The following BANF2 variants were observed in gnomAD, a reference collection of about 807,000 sequenced individuals.
BANF2 encodes the protein barrier-to-autointegration factor-like protein.
A neutral mutation model predicts 8.0 loss-of-function variants in BANF2; 4 were observed. The observed-to-expected ratio is 0.50, with a 90% confidence interval of 0.25 to 1.14. The LOEUF (loss-of-function observed/expected upper bound fraction) is 1.14. Ranked by LOEUF, BANF2 falls within the 50% of genes most tolerant of loss-of-function variation. BANF2 has a pLI of 0.16. For missense variants in BANF2, 96 were observed against 107.5 expected (o/e 0.89, Z 0.47); for synonymous variants, 50 against 40.6 (o/e 1.23, Z -0.88).
chr20:17,716,098 C>T (rs1310287771), intron 1 of BANF2, among the ~76,000 whole-genome samples: 1 of 152,126 alleles, frequency 6.6e-6, no homozygotes, highest in Non-Finnish European at 1.5e-5. Flanking sequence ...ACTTGCCTGC[C>T]CCAGGATACT....
chr20:17,726,054 C>T (rs2037805660), intron 3 of BANF2, among the ~76,000 whole-genome samples: 1 of 152,188 alleles, frequency 6.6e-6, no homozygotes. Context: ...AGTTTAATGT[C>T]CAGTAGATGG....
intron 1 of BANF2, among the ~76,000 whole-genome samples, chr20:17,722,051 C>A (rs1304526342): frequency 6.6e-6 from 1 of 152,186 alleles, no homozygotes; most frequent in African/African-American, 2.4e-5. Context: ...CCAGTGTTCC[C>A]TGGGGAGGGG....
At chr20:17,700,690 G>A (rs376233976) in intron 1 of BANF2, among the ~76,000 whole-genome samples, 4 of 152,290 alleles carry the variant, frequency 2.6e-5, no homozygotes, top group East Asian at 1.9e-4. Context: ...CTAAGGTAGC[G>A]GGGACAGGGA....
intron 3 of BANF2, 24 bp from the exon 4 acceptor site, chr20:17,735,641 C>T (rs369327159): frequency 9.8e-5 from 158 of 1,609,772 alleles, no homozygotes; most frequent in Non-Finnish European, 1.3e-4. Flanking sequence ...TCCTGCTTTC[C>T]TCCCTGTCTC....
chr20:17,724,625 A>G (rs541298506), intron 2 of BANF2, among the ~76,000 whole-genome samples: 132 of 152,252 alleles, frequency 8.7e-4, no homozygotes, highest in Non-Finnish European at 1.6e-3. Flanking sequence ...CACTGAAATA[A>G]AAGTATGACT....
chr20:17,718,157 G>A (rs971991675), intron 1 of BANF2, among the ~76,000 whole-genome samples: 1 of 152,118 alleles, frequency 6.6e-6, no homozygotes. Flanking sequence ...AAAAACAATG[G>A]TATTCTAATG....
chr20:17,734,995 G>C (rs1349121763), intron 3 of BANF2, among the ~76,000 whole-genome samples: 1 of 152,172 alleles, frequency 6.6e-6, no homozygotes, highest in Non-Finnish European at 1.5e-5. Flanking sequence ...GCTGAGGCAG[G>C]AGAATCGCTT....
chr20:17,706,321 C>T (rs192726787), intron 1 of BANF2, among the ~76,000 whole-genome samples: 1 of 152,284 alleles, frequency 6.6e-6, no homozygotes, highest in Admixed American at 6.5e-5. Flanking sequence ...CATATGAGCT[C>T]ATTCTAAGCC....
intron 2 of BANF2, 59 bp from the exon 3 acceptor site, chr20:17,724,964 T>A: frequency 6.5e-7 from 1 of 1,530,016 alleles, no homozygotes; most frequent in South Asian, 1.2e-5. Context: ...CCAGTGTCCA[T>A]GCACACTGGG....
At chr20:17,704,954 T>C (rs926897772) in intron 1 of BANF2, among the ~76,000 whole-genome samples, 4 of 152,208 alleles carry the variant, frequency 2.6e-5, no homozygotes, top group African/African-American at 4.8e-5. Flanking sequence ...CTAATCTTTC[T>C]GGCAAAAGTG....
intron 3 of BANF2, among the ~76,000 whole-genome samples, chr20:17,726,846 C>A (rs1165835830): frequency 1.3e-5 from 2 of 152,224 alleles, no homozygotes; most frequent in Admixed American, 1.3e-4. Context: ...GACATACATA[C>A]ATTAAATTTC....
intron 1 of BANF2, among the ~76,000 whole-genome samples, chr20:17,703,323 G>T (rs540701707): frequency 6.6e-6 from 1 of 152,160 alleles, no homozygotes; most frequent in Non-Finnish European, 1.5e-5. Context: ...CCAGAGCAGG[G>T]ATGCAGTCTG....
Position 17,725,025 on chromosome 20 carries a change from G to T in BANF2, c.-1G>T. 1.9e-6 allele frequency: 3 copies of T among 1,606,200 alleles called. No individual in the cohort carries two copies. Among genetic ancestry groups the T allele is most frequent in the Non-Finnish European group, 2.6e-6 (3 of 1,173,062 alleles). On this transcript the variant is annotated splice_region_variant and 5_prime_UTR_variant, in exon 3 of 4. Transcript: ENST00000246090. ...CTCTCTCCCCACTGCTGTCGCAGGAGATGGACAACATGTCTCCCAGGCTGA... is the reference window on the plus strand; with the variant it reads ...CTCTCTCCCCACTGCTGTCGCAGGATATGGACAACATGTCTCCCAGGCTGA...
upstream of BANF2, chr20:17,699,829 A>T: frequency 5.2e-6 from 1 of 190,990 alleles, no homozygotes; most frequent in Non-Finnish European, 9.7e-6. Flanking sequence ...GAGAGGCCTG[A>T]GGCTCTTGCT....
intron 1 of BANF2, among the ~76,000 whole-genome samples, chr20:17,720,351 G>A (rs1355098224): frequency 6.6e-6 from 1 of 152,206 alleles, no homozygotes; most frequent in East Asian, 1.9e-4. Context: ...ATCAATAGAT[G>A]AAGAATAAAC....
chr20:17,720,234 T>C (rs1263460042), intron 1 of BANF2, among the ~76,000 whole-genome samples: 1 of 152,230 alleles, frequency 6.6e-6, no homozygotes, highest in East Asian at 1.9e-4. Context: ...CACTTCTGGG[T>C]ATGTACCCAA....
intron 1 of BANF2, chr20:17,712,529 A>G: frequency 1.3e-5 from 13 of 984,066 alleles, no homozygotes; most frequent in Non-Finnish European, 1.6e-5. Flanking sequence ...CCACTTCTGG[A>G]TGTTTGTTCA....
At chr20:17,723,471 C>T (rs2037760770) in intron 2 of BANF2, among the ~76,000 whole-genome samples, 1 of 152,208 alleles carries the variant, frequency 6.6e-6, no homozygotes. Flanking sequence ...TGAAGCCTTG[C>T]TCAACCTACG....
chr20:17,720,326 G>A (rs1454154760), intron 1 of BANF2, among the ~76,000 whole-genome samples: 1 of 152,192 alleles, frequency 6.6e-6, no homozygotes, highest in African/African-American at 2.4e-5. Flanking sequence ...TAAGGTGGGA[G>A]CATCCCAAAC....
Sources: allele counts gnomAD v4.1 joint callset (sites outside exome capture counted in the v4.1 genomes callset), GRCh38; gene constraint gnomAD v4.1.1; transcripts MANE v1.5; gene names NCBI Gene and HGNC (gene_info 2026-07-23, HGNC 2026-07-21).